The following BANF2 variants were observed in gnomAD, a reference collection of about 807,000 sequenced individuals.
BANF2 encodes BANF family member 2.
In BANF2, 4 loss-of-function variants were observed where a neutral mutation model predicts 8.0. The observed-to-expected ratio is 0.50, with a 90% CI of 0.25 to 1.14. BANF2 has a LOEUF of 1.14. Among genes scored for constraint, BANF2 ranks in the 50% most tolerant of loss-of-function variants. The pLI, the probability that BANF2 is intolerant of heterozygous loss-of-function variation, is 0.16. For missense variants in BANF2, 96 were observed against 107.5 expected, an observed-to-expected ratio of 0.89 and a Z score of 0.47; for synonymous variants, 50 against 40.6, an observed-to-expected ratio of 1.23 and a Z score of -0.88.
intron 1 of BANF2, among the ~76,000 whole-genome samples, chr20:17,718,329 C>A (rs542074450): frequency 6.6e-6 from 1 of 152,058 alleles, no homozygotes; most frequent in Admixed American, 6.6e-5. Context: ...CTCAGCCTCC[C>A]GAGTAGCTGG....
chr20:17,722,953 G>A (rs530476747), intron 2 of BANF2, 75 bp downstream of exon 2: 15 of 881,230 alleles, frequency 1.7e-5, no homozygotes, highest in Admixed American at 6.2e-5. Context: ...GATCATTTAC[G>A]TCATCGAATG....
At chr20:17,713,878 T>TA (rs1477511375) in intron 1 of BANF2, among the ~76,000 whole-genome samples, 2 of 151,226 alleles carry the variant, frequency 1.3e-5, no homozygotes, top group African/African-American at 4.9e-5. Context: ...GTTAAGATGG[T>TA]AAAAATTTAA....
upstream of BANF2, among the ~76,000 whole-genome samples, chr20:17,695,445 C>CAAAAAAAAAAAAAAAAAAA (rs71192401): frequency 1.9e-5 from 1 of 51,358 alleles, no homozygotes; most frequent in Non-Finnish European, 3.3e-5. Flanking sequence ...GACCTTGTCT[C>CAAAAAAAAAAAAAAAAAAA]AAAAAAAAAA....
At chr20:17,706,654 G>A (rs1229475203) in intron 1 of BANF2, among the ~76,000 whole-genome samples, 1 of 152,180 alleles carries the variant, frequency 6.6e-6, no homozygotes. Flanking sequence ...GGAGAGGTAG[G>A]AACAGATCCA....
At position 17,703,793 on chromosome 20, in the gene BANF2, G is replaced by A. The variant is rs185055636; in HGVS notation, c.-167+3738G>A. On this transcript the variant is annotated intron_variant, in intron 1 of 3. Transcript: ENST00000246090. ...GTCTTGCTCTGTTGCCCAGGCTGGA[G>A]TGCAGTGGTGTGATCTTGGCTCACT... is the stretch of plus-strand genomic sequence containing the variant. Among the ~76,000 whole-genome samples, 160 of 149,928 alleles carry A rather than the reference G, an allele frequency of 1.1e-3. 1 individual carries two copies. Among genetic ancestry groups the A allele is most frequent in the African/African-American group, 3.6e-3 (146 of 40,594 alleles).
intron 2 of BANF2, among the ~76,000 whole-genome samples, chr20:17,724,410 A>G (rs2037773685): frequency 6.6e-6 from 1 of 152,192 alleles, no homozygotes; most frequent in South Asian, 2.1e-4. Flanking sequence ...GAGGCCAAAG[A>G]GTGCTGGAGC....
At chr20:17,720,937 G>C (rs1406982380) in intron 1 of BANF2, among the ~76,000 whole-genome samples, 6 of 152,176 alleles carry the variant, frequency 3.9e-5, no homozygotes, top group Non-Finnish European at 7.3e-5. Context: ...CAGTATCTGA[G>C]GCCCGTCCCA....
At chr20:17,707,756 A>G (rs2037504591) in intron 1 of BANF2, among the ~76,000 whole-genome samples, 1 of 151,146 alleles carries the variant, frequency 6.6e-6, no homozygotes, top group African/African-American at 2.4e-5. Context: ...ATTTTTTTGT[A>G]TTTAGTAGAG....
chr20:17,695,605 T>A (rs577070062), upstream of BANF2, among the ~76,000 whole-genome samples: 6 of 152,028 alleles, frequency 3.9e-5, no homozygotes, highest in South Asian at 1.0e-3. Flanking sequence ...ACCTAGGGTG[T>A]GTGTGTGTGT....
chr20:17,727,397 G>A (rs1052225338), intron 3 of BANF2, among the ~76,000 whole-genome samples: 1 of 152,226 alleles, frequency 6.6e-6, no homozygotes, highest in Non-Finnish European at 1.5e-5. Flanking sequence ...CCGAGGAGCA[G>A]TGCCTTGTCC....
intron 1 of BANF2, among the ~76,000 whole-genome samples, chr20:17,713,054 C>T (rs1371836640): frequency 6.6e-6 from 1 of 151,996 alleles, no homozygotes; most frequent in East Asian, 1.9e-4. Flanking sequence ...TCAAGACCAG[C>T]CTGGGCAACT....
At chr20:17,713,771 A>G (rs2122599674) in intron 1 of BANF2, among the ~76,000 whole-genome samples, 1 of 152,158 alleles carries the variant, frequency 6.6e-6, no homozygotes, top group African/African-American at 2.4e-5. Flanking sequence ...GGAGTTCGAG[A>G]CTGCAGTGAG....
chr20:17,729,437 T>G (rs2037861852), intron 3 of BANF2, among the ~76,000 whole-genome samples: 1 of 152,204 alleles, frequency 6.6e-6, no homozygotes, highest in Non-Finnish European at 1.5e-5. Flanking sequence ...TTGCGACATC[T>G]GACAAAAGTT....
chr20:17,728,009 G>A (rs1362848075), intron 3 of BANF2, among the ~76,000 whole-genome samples: 1 of 152,176 alleles, frequency 6.6e-6, no homozygotes, highest in Non-Finnish European at 1.5e-5. Flanking sequence ...TTACAGGCAT[G>A]AGCCACCACA....
chr20:17,700,412 T>C (rs896429507), intron 1 of BANF2, among the ~76,000 whole-genome samples: 3 of 152,272 alleles, frequency 2.0e-5, no homozygotes, highest in Non-Finnish European at 2.9e-5. Context: ...CTAGCCCTAA[T>C]TGAGGTCAGG....
At chr20:17,701,461 G>A (rs533910439) in intron 1 of BANF2, among the ~76,000 whole-genome samples, 4 of 152,108 alleles carry the variant, frequency 2.6e-5, no homozygotes, top group Admixed American at 2.6e-4. Flanking sequence ...ACTCTCTATC[G>A]ACTATCCCCA....
chr20:17,727,094 G>T (rs966106834), intron 3 of BANF2, among the ~76,000 whole-genome samples: 2 of 144,172 alleles, frequency 1.4e-5, no homozygotes, highest in Non-Finnish European at 3.0e-5. Flanking sequence ...ATTATAGGTG[G>T]GTGGGTTTTA....
intron 1 of BANF2, among the ~76,000 whole-genome samples, chr20:17,709,922 T>C (rs541048678): frequency 6.6e-6 from 1 of 152,316 alleles, no homozygotes; most frequent in South Asian, 2.1e-4. Flanking sequence ...GATCATCTAA[T>C]TGCAGTGCAA....
exon 1 of BANF2, chr20:17,693,691 G>T: frequency 6.4e-7 from 1 of 1,551,644 alleles, no homozygotes; most frequent in Non-Finnish European, 8.7e-7. Flanking sequence ...TGCGCTGAAT[G>T]CTGCGAGGAA....
Sources: allele counts gnomAD v4.1 joint callset (sites outside exome capture counted in the v4.1 genomes callset), GRCh38; gene constraint gnomAD v4.1.1; transcripts MANE v1.5; gene names NCBI Gene and HGNC (gene_info 2026-07-23, HGNC 2026-07-21).